FBXO8: variants seen among roughly 807,000 people sequenced by gnomAD.
FBXO8 encodes F-box only protein 8.
In FBXO8, 15 loss-of-function variants were observed where a neutral mutation model predicts 33.4. The ratio of observed to expected loss-of-function variants is 0.45; its 90% CI spans 0.30 to 0.69. FBXO8 has a LOEUF of 0.69. Ranked by LOEUF, FBXO8 falls within the 30% of genes least tolerant of loss-of-function variation. FBXO8 has a pLI of 0.08. For synonymous variants in FBXO8, 132 were observed against 131.5 expected (o/e 1.00, Z -0.02); for missense variants, 274 against 380.3 (o/e 0.72, Z 2.32).
chr4:174,238,900 AT>A (rs1350292773), intron 5 of FBXO8, 93 bp downstream of exon 5: 31 of 754,368 alleles, frequency 4.1e-5, no homozygotes, highest in Non-Finnish European at 3.4e-5. Context: ...TACTGAGAAT[AT>A]TTTTCCCCAC....
rs1270379960 is a variant in FBXO8 at position 174,275,792 on chromosome 4, G to A, written c.-9+7618C>T. On this transcript the variant is annotated intron_variant, in intron 1 of 5. Transcript: ENST00000393674. This position sits in a 1 kb window ranked among gnomAD's most constrained non-coding sequence, Gnocchi z 4.4. ...AACCTATGAATCATCTCTCACTTCA[G>A]GTAAATTTGAATACATATGGATCAA... is the stretch of plus-strand genomic sequence containing the variant. 6.6e-6 allele frequency among the ~76,000 whole-genome samples: 1 copy of A among 152,046 alleles called. No individual in the cohort carries two copies. Among genetic ancestry groups the A allele is most frequent in the African/African-American group, 2.4e-5 (1 of 41,408 alleles).
intron 3 of FBXO8, among the ~76,000 whole-genome samples, chr4:174,242,009 T>C (rs1736051817): frequency 6.6e-6 from 1 of 151,526 alleles, no homozygotes; most frequent in Non-Finnish European, 1.5e-5. Flanking sequence ...TTCTCTCACA[T>C]ATACAGAGGT....
At chr4:174,239,496 A>C (rs570236435) in intron 4 of FBXO8, among the ~76,000 whole-genome samples, 2 of 152,054 alleles carry the variant, frequency 1.3e-5, no homozygotes, top group African/African-American at 4.8e-5. Context: ...TTTCTTTTTA[A>C]GTGCCTTCTT....
In FBXO8 at chr4:174,263,584, T is replaced by A; in HGVS notation, c.-8-484A>T. 6.6e-6 allele frequency among the ~76,000 whole-genome samples: 1 copy of A among 152,226 alleles called. No individual in the cohort carries two copies. Among genetic ancestry groups the A allele is most frequent in the Admixed American group, 6.5e-5 (1 of 15,274 alleles). On this transcript the variant is annotated intron_variant, in intron 1 of 5. Coordinates refer to ENST00000393674, the MANE Select transcript of FBXO8 (RefSeq NM_012180.3). This position sits in a 1 kb window ranked among gnomAD's most constrained non-coding sequence, Gnocchi z 4.2. ...ATGCGTAACAGCTGGGAAACAGGCT[T>A]TTAGTTTAATTCTTGCCAGTCTACA...
Position 174,267,223 on chromosome 4 carries a change from T to C in FBXO8, c.-8-4123A>G, listed in dbSNP as rs1379472228. On this transcript the variant is annotated intron_variant, in intron 1 of 5. Coordinates refer to ENST00000393674, the MANE Select transcript of FBXO8 (RefSeq NM_012180.3). This position sits in a 1 kb window ranked among gnomAD's most constrained non-coding sequence, Gnocchi z 4.7. ...GAGGATGGTGCCAATAGCAGTTCCA[T>C]GAAATAGGTCTTTGTGTTATTGTTA... is the stretch of plus-strand genomic sequence containing the variant. Among the ~76,000 whole-genome samples the C allele has an allele frequency of 6.6e-6, 1 of 152,178 alleles. No homozygotes were observed. The highest frequency in any genetic ancestry group is 1.9e-4 in the East Asian group (1 of 5,196).
Position 174,263,015 on chromosome 4 carries a change from G to A in FBXO8, c.78C>T (p.Thr26=). The A allele has an allele frequency of 1.2e-6, 2 of 1,613,962 alleles. No homozygotes were observed. Among genetic ancestry groups the A allele is most frequent in the Non-Finnish European group, 1.7e-6 (2 of 1,179,938 alleles). Residue 26 remains threonine, a synonymous_variant, in exon 2 of 6, where the codon ACC becomes ACT. Coordinates refer to ENST00000393674, the MANE Select transcript of FBXO8 (RefSeq NM_012180.3). The surrounding 1 kb of genome is among the most constrained non-coding windows in gnomAD (Gnocchi z 4.2). The part of the protein sequence containing the change: ...QEGYSEQGYL[T]REQSRRMAAS... ...CAGCCATTCTCCTGCTCTGCTCTCT[G>A]GTGAGGTAGCCTTGCTCACTGTAGC...
rs935994972 is a variant in FBXO8 at position 174,278,906 on chromosome 4, T to C, written c.-9+4504A>G. On this transcript the variant is annotated intron_variant, in intron 1 of 5. Transcript: ENST00000393674. The surrounding 1 kb of genome is among the most constrained non-coding windows in gnomAD (Gnocchi z 4.1). ...AGACTGATGGAAAGAAAACATGAGT[T>C]TGACTCAGTCTCCTTCCTTAGCTAG... 2.0e-5 allele frequency among the ~76,000 whole-genome samples: 3 copies of C among 152,198 alleles called. No individual in the cohort carries two copies. Among genetic ancestry groups the C allele is most frequent in the Non-Finnish European group, 1.5e-5 (1 of 67,958 alleles).
rs1390370975 is a variant in FBXO8 at position 174,272,373 on chromosome 4, T to C, written c.-8-9273A>G. Among the ~76,000 whole-genome samples the C allele has an allele frequency of 1.1e-4, 17 of 152,244 alleles. No homozygotes were observed. Among genetic ancestry groups the C allele is most frequent in the Non-Finnish European group, 2.4e-4 (16 of 68,034 alleles). Reference sequence around the variant, plus strand: ...ATAACATCCAATAAGATGTAAATGCTATGTAAATAGTTGTTATACTGTATT... The same window carrying C: ...ATAACATCCAATAAGATGTAAATGCCATGTAAATAGTTGTTATACTGTATT... On this transcript the variant is annotated intron_variant, in intron 1 of 5. Transcript: ENST00000393674. This position sits in a 1 kb window ranked among gnomAD's most constrained non-coding sequence, Gnocchi z 4.7.
chr4:174,243,929 G>T (rs941564941), intron 3 of FBXO8, among the ~76,000 whole-genome samples: 1 of 151,436 alleles, frequency 6.6e-6, no homozygotes, highest in Admixed American at 6.6e-5. Context: ...GACAAATTAG[G>T]ACTTATCTGG....
At position 174,259,259 on chromosome 4, in the gene FBXO8, C is replaced by T. The variant is rs972822833; in HGVS notation, c.456+440G>A. Among the ~76,000 whole-genome samples, 9 of 151,946 alleles carry T rather than the reference C, an allele frequency of 5.9e-5. No homozygotes were observed. Among genetic ancestry groups the T allele is most frequent in the African/African-American group, 1.4e-4 (6 of 41,414 alleles). ...TGTTAAAGGCATTATTTGAAGACAACGTTTTGATTTGTCAGAAAATAGAAC... is the reference window on the plus strand; with the variant it reads ...TGTTAAAGGCATTATTTGAAGACAATGTTTTGATTTGTCAGAAAATAGAAC... On this transcript the variant is annotated intron_variant, in intron 3 of 5. Coordinates refer to ENST00000393674, the MANE Select transcript of FBXO8 (RefSeq NM_012180.3). The surrounding 1 kb of genome is among the most constrained non-coding windows in gnomAD (Gnocchi z 4.3).
rs1737086610 is a variant in FBXO8, at chr4:174,281,483, G to A, written c.-9+1927C>T. Among the ~76,000 whole-genome samples the A allele has an allele frequency of 6.6e-6, 1 of 152,116 alleles. No individual in the cohort carries two copies. Among genetic ancestry groups the A allele is most frequent in the Admixed American group, 6.6e-5 (1 of 15,250 alleles). On this transcript the variant is annotated intron_variant, in intron 1 of 5. Transcript: ENST00000393674. The surrounding 1 kb of genome is among the most constrained non-coding windows in gnomAD (Gnocchi z 4.6). ...AGGCTGTGGAAGGAGGATCGCTTGAGCTCAGGACTTCAAGACCAGCCTGGG... is the reference window on the plus strand; with the variant it reads ...AGGCTGTGGAAGGAGGATCGCTTGAACTCAGGACTTCAAGACCAGCCTGGG...
rs1351656035 is a variant in FBXO8 at position 174,261,807 on chromosome 4, TTTA to T, written c.329+954_329+956del. Among the ~76,000 whole-genome samples, 1 of 152,078 alleles carries T rather than the reference TTTA, an allele frequency of 6.6e-6. No homozygotes were observed. The highest frequency in any genetic ancestry group is 2.4e-5 in the African/African-American group (1 of 41,454). On this transcript the variant is annotated intron_variant, in intron 2 of 5. Coordinates refer to ENST00000393674, the MANE Select transcript of FBXO8 (RefSeq NM_012180.3). The surrounding 1 kb of genome is among the most constrained non-coding windows in gnomAD (Gnocchi z 4.1). The stretch of plus-strand genomic sequence containing the variant: ...AATATATTTTGACTAAAGTTTGTAA[TTTA>T]TTAAGTCTCTCAATTAGATTTCTAG...
chr4:174,269,766 A>G (rs1736794850), intron 1 of FBXO8, among the ~76,000 whole-genome samples: 1 of 152,220 alleles, frequency 6.6e-6, no homozygotes, highest in Non-Finnish European at 1.5e-5. Flanking sequence ...GATAATTTCC[A>G]GAGAATGATT....
rs956876582 is a variant in FBXO8 at position 174,256,672 on chromosome 4, C to T, written c.456+3027G>A. On this transcript the variant is annotated intron_variant, in intron 3 of 5. Coordinates refer to ENST00000393674, the MANE Select transcript of FBXO8 (RefSeq NM_012180.3). This position sits in a 1 kb window ranked among gnomAD's most constrained non-coding sequence, Gnocchi z 4.6. ...TTCTCTGACCTTATTAAGTGTATTG[C>T]AATGTCCTTTTTTTCCTATATATTT... is the stretch of plus-strand genomic sequence containing the variant. 2.0e-5 allele frequency among the ~76,000 whole-genome samples: 3 copies of T among 152,122 alleles called. No homozygotes were observed. Among genetic ancestry groups the T allele is most frequent in the Non-Finnish European group, 4.4e-5 (3 of 68,010 alleles).
chr4:174,275,484 A>G lies in FBXO8; in HGVS notation c.-9+7926T>C, dbSNP rs982500600. On this transcript the variant is annotated intron_variant, in intron 1 of 5. Transcript: ENST00000393674. The surrounding 1 kb of genome is among the most constrained non-coding windows in gnomAD (Gnocchi z 4.4). ...GGTAAAGTGTACAAGGGATGACTCT[A>G]TATTTCTTGAGACTGCATGTACATC... 1.3e-5 allele frequency among the ~76,000 whole-genome samples: 2 copies of G among 152,212 alleles called. No homozygotes were observed. Among genetic ancestry groups the G allele is most frequent in the Admixed American group, 6.5e-5 (1 of 15,284 alleles).
Position 174,270,118 on chromosome 4 carries a change from G to A in FBXO8, c.-8-7018C>T, listed in dbSNP as rs1206277729. Among the ~76,000 whole-genome samples, 4 of 152,166 alleles carry A rather than the reference G, an allele frequency of 2.6e-5. No homozygotes were observed. The highest frequency in any genetic ancestry group is 9.7e-5 in the African/African-American group (4 of 41,436). On this transcript the variant is annotated intron_variant, in intron 1 of 5. Transcript: ENST00000393674. The surrounding 1 kb of genome is among the most constrained non-coding windows in gnomAD (Gnocchi z 4.6). Reference sequence around the variant, plus strand: ...CTGAATGTGGACTGGCAACCAAACTGTGCGACCTTGAACACTCAGTGGTAT... The same window carrying A: ...CTGAATGTGGACTGGCAACCAAACTATGCGACCTTGAACACTCAGTGGTAT...
intron 1 of FBXO8, among the ~76,000 whole-genome samples, chr4:174,279,260 T>C (rs554309229): frequency 9.9e-5 from 15 of 152,086 alleles, no homozygotes; most frequent in African/African-American, 3.4e-4. Context: ...AAGAAAATAA[T>C]ACCAACTACA....
rs1413045451 is a variant in FBXO8 at position 174,283,328 on chromosome 4, G to A, written c.-9+82C>T. On this transcript the variant is annotated intron_variant, in intron 1 of 5. Coordinates refer to ENST00000393674, the MANE Select transcript of FBXO8 (RefSeq NM_012180.3). This position sits in a 1 kb window ranked among gnomAD's most constrained non-coding sequence, Gnocchi z 6.7. ...CAGTTTCGGCCAACTGGCAAGCACT[G>A]GTTGTCTTTATTTTCGAGAAAAGTG... 2.0e-5 allele frequency: 3 copies of A among 152,688 alleles called. No individual in the cohort carries two copies. Among genetic ancestry groups the A allele is most frequent in the African/African-American group, 4.8e-5 (2 of 41,440 alleles). 9.5% of individuals were successfully genotyped at this position (152,688 alleles called of 1,614,324 possible).
chr4:174,241,412 A>G lies in FBXO8; in HGVS notation c.457-194T>C, dbSNP rs1439951906. Among the ~76,000 whole-genome samples the G allele has an allele frequency of 6.6e-6, 1 of 151,660 alleles. No homozygotes were observed. Among genetic ancestry groups the G allele is most frequent in the Non-Finnish European group, 1.5e-5 (1 of 67,664 alleles). On this transcript the variant is annotated intron_variant, in intron 3 of 5. Coordinates refer to ENST00000393674, the MANE Select transcript of FBXO8 (RefSeq NM_012180.3). This position sits in a 1 kb window ranked among gnomAD's most constrained non-coding sequence, Gnocchi z 4.2. ...TGGTTGATAGTTTACATGCAATGAA[A>G]AGCAGGAAATTCAAAGTTAAGACTG...
Sources: allele counts gnomAD v4.1 joint callset (sites outside exome capture counted in the v4.1 genomes callset), GRCh38; gene constraint gnomAD v4.1.1; non-coding constraint Gnocchi (gnomAD v3.1); transcripts MANE v1.5; gene names NCBI Gene and HGNC (gene_info 2026-07-23, HGNC 2026-07-21).